BMPER: variants seen among roughly 807,000 people sequenced by gnomAD.
BMPER encodes BMP binding endothelial regulator.
In BMPER, 45 loss-of-function variants were observed where a neutral mutation model predicts 87.3. That is an observed-to-expected ratio of 0.52 (90% CI 0.41 to 0.66). The LOEUF (loss-of-function observed/expected upper bound fraction) is 0.66, where lower values mean the gene tolerates loss of function less well. Among genes scored for constraint, BMPER ranks in the 30% least tolerant of loss-of-function variants. The pLI is 0.00. For synonymous variants in BMPER, 326 were observed against 316.2 expected (o/e 1.03, Z -0.33); for missense variants, 784 against 867.5 (o/e 0.90, Z 1.21).
At position 33,930,445 on chromosome 7, in the gene BMPER, G is replaced by C. The variant is rs149976248; in HGVS notation, c.220-6844G>C. Among the ~76,000 whole-genome samples, 50 of 152,114 alleles carry C rather than the reference G, an allele frequency of 3.3e-4. No individual in the cohort carries two copies. The East Asian group carries it at 8.5e-3, about 26-fold the overall frequency. On this transcript the variant is annotated intron_variant, in intron 2 of 14. Transcript: ENST00000649409. ...TTGGCAACCACTGGGCTATCTCAGG[G>C]CCCCCCTACCCATGCTCCATTATTA...
intron 5 of BMPER, 152 bp downstream of exon 5, chr7:33,970,571 G>A (rs189325189): frequency 1.8e-5 from 15 of 831,612 alleles, no homozygotes; most frequent in East Asian, 2.6e-5. Context: ...AGAAATATCC[G>A]CTTGGCTGCC....
At chr7:34,008,734 A>G (rs989437286) in intron 6 of BMPER, among the ~76,000 whole-genome samples, 5 of 151,928 alleles carry the variant, frequency 3.3e-5, no homozygotes, top group African/African-American at 4.8e-5. Context: ...CAATGTCCCA[A>G]TGTTTCTCTA....
At chr7:33,932,528 T>G (rs1784507131) in intron 2 of BMPER, among the ~76,000 whole-genome samples, 1 of 151,844 alleles carries the variant, frequency 6.6e-6, no homozygotes, top group African/African-American at 2.4e-5. Flanking sequence ...AGGGGAAGGG[T>G]CTTGTGTTGA....
At chr7:34,020,399 C>T (rs1787147737) in intron 6 of BMPER, among the ~76,000 whole-genome samples, 1 of 151,978 alleles carries the variant, frequency 6.6e-6, no homozygotes, top group Non-Finnish European at 1.5e-5. Flanking sequence ...GATCTTCAAC[C>T]TGTTTCACAT....
chr7:33,928,527 A>G (rs1227212711), intron 2 of BMPER, among the ~76,000 whole-genome samples: 7 of 151,534 alleles, frequency 4.6e-5, no homozygotes, highest in Admixed American at 1.3e-4. Flanking sequence ...ATATGATTAA[A>G]CAGAATGAGG....
chr7:33,992,718 G>T (rs1196808073), intron 6 of BMPER, among the ~76,000 whole-genome samples: 1 of 150,470 alleles, frequency 6.6e-6, no homozygotes, highest in Non-Finnish European at 1.5e-5. Context: ...AGTCTCGATG[G>T]TCTTTACATT....
At chr7:34,012,911 C>T (rs1161827290) in intron 6 of BMPER, among the ~76,000 whole-genome samples, 2 of 151,804 alleles carry the variant, frequency 1.3e-5, no homozygotes, top group African/African-American at 2.4e-5. Flanking sequence ...TGTTTCTATG[C>T]GATATTAAAA....
At chr7:34,122,545 C>A (rs1426822845) in intron 13 of BMPER, among the ~76,000 whole-genome samples, 3 of 152,128 alleles carry the variant, frequency 2.0e-5, no homozygotes, top group Non-Finnish European at 4.4e-5. Context: ...AGTGAATTTG[C>A]CTGCACACAG....
intron 14 of BMPER, among the ~76,000 whole-genome samples, chr7:34,146,031 TCTCA>T (rs1791007643): frequency 6.6e-6 from 1 of 152,002 alleles, no homozygotes; most frequent in Admixed American, 6.6e-5. Context: ...ATTCTCTCTC[TCTCA>T]CATATACACA....
Position 33,975,192 on chromosome 7 carries a change from G to T in BMPER, c.576+408G>T, listed in dbSNP as rs193195721. On this transcript the variant is annotated intron_variant, in intron 6 of 14. Transcript: ENST00000649409. ...TCCTCCACGTGCCTCCTTTTTTGGG[G>T]GAAAGCATGGATTTTCTGTTCCTCA... Among the ~76,000 whole-genome samples, 19 of 152,218 alleles carry T rather than the reference G, an allele frequency of 1.2e-4. No individual in the cohort carries two copies. In the East Asian group the frequency reaches 2.7e-3, roughly 22 times the overall value.
chr7:34,011,343 C>T (rs1243191904), intron 6 of BMPER, among the ~76,000 whole-genome samples: 2 of 151,532 alleles, frequency 1.3e-5, no homozygotes, highest in Non-Finnish European at 3.0e-5. Context: ...CTTTGAGTAG[C>T]AAGGACGAGG....
At chr7:34,115,758 A>G (rs1211736784) in intron 13 of BMPER, among the ~76,000 whole-genome samples, 1 of 152,188 alleles carries the variant, frequency 6.6e-6, no homozygotes, top group African/African-American at 2.4e-5. Context: ...TTTGAATTGT[A>G]TCTATTAATA....
rs1416764333 is a variant in BMPER at position 33,908,954 on chromosome 7, C to T, written c.219+2051C>T. ...TGTATAACACTCTTGTACATTTCCA[C>T]GAACCCACTGCAGTTCATGGATTTC... On this transcript the variant is annotated intron_variant, in intron 2 of 14. Transcript: ENST00000649409. 4.6e-5 allele frequency among the ~76,000 whole-genome samples: 7 copies of T among 152,134 alleles called. No individual in the cohort carries two copies. The East Asian group carries it at 1.2e-3, about 25-fold the overall frequency.
chr7:33,968,905 G>A (rs1394192725), intron 4 of BMPER, among the ~76,000 whole-genome samples: 1 of 152,168 alleles, frequency 6.6e-6, no homozygotes, highest in Non-Finnish European at 1.5e-5. Flanking sequence ...TCCTCCATCT[G>A]GATTGCAGAT....
At chr7:33,995,813 AG>A (rs895144119) in intron 6 of BMPER, among the ~76,000 whole-genome samples, 2 of 152,168 alleles carry the variant, frequency 1.3e-5, no homozygotes, top group African/African-American at 4.8e-5. Flanking sequence ...CCATGTTCAG[AG>A]TCTTACAGTC....
chr7:33,927,260 C>G (rs1014632390), intron 2 of BMPER, among the ~76,000 whole-genome samples: 2 of 152,202 alleles, frequency 1.3e-5, no homozygotes, highest in East Asian at 3.9e-4. Flanking sequence ...TTCATTGGCT[C>G]TGTGGCTTGT....
intron 3 of BMPER, among the ~76,000 whole-genome samples, chr7:33,956,004 G>A (rs1200327816): frequency 1.3e-5 from 2 of 151,520 alleles, no homozygotes; most frequent in South Asian, 2.1e-4. Context: ...GCAGTGAGCT[G>A]TTCATAGACA....
intron 6 of BMPER, among the ~76,000 whole-genome samples, chr7:34,035,629 A>G (rs910315030): frequency 3.9e-5 from 6 of 152,200 alleles, no homozygotes; most frequent in African/African-American, 1.4e-4. Context: ...GAGCACAAAC[A>G]TTTTTGAGTT....
intron 13 of BMPER, among the ~76,000 whole-genome samples, chr7:34,095,350 A>G (rs901862971): frequency 1.3e-5 from 2 of 152,228 alleles, no homozygotes; most frequent in Middle Eastern, 3.2e-3. Flanking sequence ...GTAAACAGTA[A>G]TATGAGTATA....
Sources: allele counts gnomAD v4.1 joint callset (sites outside exome capture counted in the v4.1 genomes callset), GRCh38; gene constraint gnomAD v4.1.1; transcripts MANE v1.5; gene names NCBI Gene and HGNC (gene_info 2026-07-23, HGNC 2026-07-21).